LHFPL3: variants seen among roughly 807,000 people sequenced by gnomAD.
LHFPL3 encodes LHFPL tetraspan subfamily member 3.
A neutral mutation model predicts 19.3 loss-of-function variants in LHFPL3; 5 were observed. The observed-to-expected ratio is 0.26, with a 90% CI of 0.14 to 0.54. LHFPL3 has a LOEUF of 0.54. Among genes scored for constraint, LHFPL3 ranks in the 20% least tolerant of loss-of-function variants. The probability of loss-of-function intolerance (pLI) is 0.94; values close to 1 mark genes in which losing one functional copy is unlikely to be tolerated. For synonymous variants in LHFPL3, 133 were observed against 126.2 expected (o/e 1.05, Z -0.36); for missense variants, 249 against 307.4 (o/e 0.81, Z 1.42).
At chr7:104,848,199 G>A (rs1354924524) in intron 2 of LHFPL3, among the ~76,000 whole-genome samples, 1 of 152,140 alleles carries the variant, frequency 6.6e-6, no homozygotes, top group South Asian at 2.1e-4. Context: ...TCTTGATGCC[G>A]CCTCTGCATG....
intron 1 of LHFPL3, among the ~76,000 whole-genome samples, chr7:104,418,863 C>G (rs776993586): frequency 3.3e-5 from 5 of 152,204 alleles, no homozygotes; most frequent in Non-Finnish European, 7.3e-5. Context: ...GACAGTGAAT[C>G]CTTCTGCTGT....
At chr7:104,753,189 T>C (rs946509116) in intron 2 of LHFPL3, among the ~76,000 whole-genome samples, 1 of 152,216 alleles carries the variant, frequency 6.6e-6, no homozygotes, top group Non-Finnish European at 1.5e-5. Flanking sequence ...ACCACTATAA[T>C]AGAACTTTAG....
intron 1 of LHFPL3, among the ~76,000 whole-genome samples, chr7:104,549,094 G>T (rs1452693434): frequency 6.6e-6 from 1 of 152,058 alleles, no homozygotes; most frequent in Non-Finnish European, 1.5e-5. Context: ...AACTTGAACA[G>T]GAAGTAATGA....
chr7:104,893,098 T>G (rs972825204), intron 2 of LHFPL3, among the ~76,000 whole-genome samples: 1 of 151,658 alleles, frequency 6.6e-6, no homozygotes, highest in South Asian at 2.1e-4. Context: ...CCTGTAGCCA[T>G]AGCTACTCGG....
intron 2 of LHFPL3, among the ~76,000 whole-genome samples, chr7:104,795,352 A>T (rs1790103370): frequency 6.6e-6 from 1 of 152,176 alleles, no homozygotes; most frequent in Non-Finnish European, 1.5e-5. Flanking sequence ...GGATGAGAGG[A>T]AGCCAAACCA....
intron 1 of LHFPL3, among the ~76,000 whole-genome samples, chr7:104,511,143 A>G (rs1793806291): frequency 6.6e-6 from 1 of 152,208 alleles, no homozygotes; most frequent in African/African-American, 2.4e-5. Flanking sequence ...AGACAAACCA[A>G]TTAGAAAATG....
At chr7:104,714,113 G>A (rs963698411) in intron 1 of LHFPL3, among the ~76,000 whole-genome samples, 6 of 152,204 alleles carry the variant, frequency 3.9e-5, no homozygotes, top group African/African-American at 9.6e-5. Flanking sequence ...ACTGCTGTTA[G>A]AACTTGAAGT....
chr7:104,636,513 T>C (rs1433053857), intron 1 of LHFPL3, among the ~76,000 whole-genome samples: 1 of 152,168 alleles, frequency 6.6e-6, no homozygotes, highest in Non-Finnish European at 1.5e-5. Flanking sequence ...TTATTTTTCC[T>C]GATACTCTCC....
chr7:104,393,028 C>T (rs1289303582), intron 1 of LHFPL3, among the ~76,000 whole-genome samples: 1 of 152,006 alleles, frequency 6.6e-6, no homozygotes, highest in Non-Finnish European at 1.5e-5. Context: ...GAGATTTCTT[C>T]AAGAAAGATA....
At chr7:104,722,002 T>G (rs1411550764) in intron 1 of LHFPL3, among the ~76,000 whole-genome samples, 1 of 152,208 alleles carries the variant, frequency 6.6e-6, no homozygotes, top group Admixed American at 6.5e-5. Flanking sequence ...AGATCAGAAC[T>G]GCTTTTAATT....
At chr7:104,342,534 T>C (rs1279522829) in intron 1 of LHFPL3, among the ~76,000 whole-genome samples, 1 of 152,160 alleles carries the variant, frequency 6.6e-6, no homozygotes, top group Non-Finnish European at 1.5e-5. Flanking sequence ...AATGAGTTCC[T>C]TTTATACCCA....
intron 1 of LHFPL3, among the ~76,000 whole-genome samples, chr7:104,431,733 A>G (rs914371321): frequency 6.6e-6 from 1 of 152,192 alleles, no homozygotes; most frequent in Non-Finnish European, 1.5e-5. Context: ...TCAGTATTTT[A>G]AAAGATTACT....
At chr7:104,829,430 T>C (rs940592562) in intron 2 of LHFPL3, among the ~76,000 whole-genome samples, 3 of 151,752 alleles carry the variant, frequency 2.0e-5, no homozygotes, top group Admixed American at 6.5e-5. Context: ...GCTGCACCCA[T>C]TAACTTGTCA....
At chr7:104,453,511 C>T (rs761835559) in intron 1 of LHFPL3, among the ~76,000 whole-genome samples, 3 of 151,992 alleles carry the variant, frequency 2.0e-5, no homozygotes, top group Non-Finnish European at 2.9e-5. Context: ...AGAAAATTTA[C>T]GTCTTAAAGG....
At chr7:104,636,999 C>G (rs958013907) in intron 1 of LHFPL3, among the ~76,000 whole-genome samples, 1 of 152,220 alleles carries the variant, frequency 6.6e-6, no homozygotes, top group African/African-American at 2.4e-5. Context: ...TACATTCCCA[C>G]CAGCAGTGTA....
At chr7:104,712,342 T>C (rs745689897) in intron 1 of LHFPL3, among the ~76,000 whole-genome samples, 38 of 152,142 alleles carry the variant, frequency 2.5e-4, no homozygotes, top group Non-Finnish European at 2.4e-4. Context: ...CTGGTGAGGG[T>C]CCACTTCTTG....
At chr7:104,783,502 T>C (rs1254256422) in intron 2 of LHFPL3, among the ~76,000 whole-genome samples, 1 of 152,222 alleles carries the variant, frequency 6.6e-6, no homozygotes, top group African/African-American at 2.4e-5. Context: ...TACATCACAA[T>C]CTTCTAGAGA....
chr7:104,448,456 T>G (rs1792372501), intron 1 of LHFPL3, among the ~76,000 whole-genome samples: 1 of 152,202 alleles, frequency 6.6e-6, no homozygotes, highest in South Asian at 2.1e-4. Context: ...AAATGGCTCC[T>G]TCAGAGCCAT....
chr7:104,632,452 C>T (rs866602395), intron 1 of LHFPL3, among the ~76,000 whole-genome samples: 40 of 152,320 alleles, frequency 2.6e-4, no homozygotes, highest in Middle Eastern at 3.4e-3. Flanking sequence ...GACTATTACA[C>T]ATTCTATAAT....
Sources: allele counts gnomAD v4.1 joint callset (sites outside exome capture counted in the v4.1 genomes callset), GRCh38; gene constraint gnomAD v4.1.1; transcripts MANE v1.5; gene names NCBI Gene and HGNC (gene_info 2026-07-23, HGNC 2026-07-21).